The following PRKCE variants were observed in gnomAD, a reference collection of about 807,000 sequenced individuals.
PRKCE encodes protein kinase C epsilon.
A neutral mutation model predicts 85.4 loss-of-function variants in PRKCE; 16 were observed. The ratio of observed to expected loss-of-function variants is 0.19; its 90% CI spans 0.13 to 0.28. The LOEUF is 0.28. Among genes scored for constraint, PRKCE ranks in the 10% least tolerant of loss-of-function variants. The probability of loss-of-function intolerance (pLI) is 1.00; values close to 1 mark genes in which losing one functional copy is unlikely to be tolerated. For missense variants in PRKCE, 573 were observed against 975.2 expected, an observed-to-expected ratio of 0.59 and a Z score of 5.49; for synonymous variants, 388 against 371.5, an observed-to-expected ratio of 1.04 and a Z score of -0.51.
intron 10 of PRKCE, among the ~76,000 whole-genome samples, chr2:46,084,707 C>T (rs540929943): frequency 4.6e-4 from 57 of 122,716 alleles, no homozygotes; most frequent in South Asian, 1.2e-3. Flanking sequence ...AGCAACAGAG[C>T]GAGACTCCAT....
chr2:46,152,024 T>A (rs1267565092), intron 13 of PRKCE, among the ~76,000 whole-genome samples: 3 of 152,232 alleles, frequency 2.0e-5, no homozygotes, highest in African/African-American at 7.2e-5. Flanking sequence ...ACTTCTAGAC[T>A]TGGCTTCTTC....
At chr2:46,049,233 C>T (rs1007747394) in intron 10 of PRKCE, among the ~76,000 whole-genome samples, 1 of 152,110 alleles carries the variant, frequency 6.6e-6, no homozygotes, top group African/African-American at 2.4e-5. Flanking sequence ...TTCCAGGGAC[C>T]TCAGGGTTTC....
intron 1 of PRKCE, among the ~76,000 whole-genome samples, chr2:45,711,363 C>A (rs1032477193): frequency 6.6e-6 from 1 of 152,206 alleles, no homozygotes; most frequent in Non-Finnish European, 1.5e-5. Context: ...GCCAGACTGC[C>A]TGGCTGCAAA....
chr2:46,070,703 G>T (rs6742625), intron 10 of PRKCE, among the ~76,000 whole-genome samples: 63,474 of 151,816 alleles, frequency 0.42, 14,576 homozygotes, highest in African/African-American at 0.6. Flanking sequence ...TTGAATGATG[G>T]TGAGGGTGAC....
chr2:45,822,102 T>A lies in PRKCE; in HGVS notation c.349-20898T>A, dbSNP rs1199857373. On this transcript the variant is annotated intron_variant, in intron 1 of 14. Transcript: ENST00000306156. ...GCACCTGTCCAGGGTACTCTGTTTC[T>A]GAGTCATTTGTGTGTACCTTTTCAG... is the stretch of plus-strand genomic sequence containing the variant. Among the ~76,000 whole-genome samples the A allele has an allele frequency of 2.0e-5, 3 of 152,302 alleles. No individual in the cohort carries two copies. The East Asian group carries it at 5.8e-4, about 29-fold the overall frequency.
At chr2:45,810,946 A>C (rs989800892) in intron 1 of PRKCE, among the ~76,000 whole-genome samples, 9 of 152,240 alleles carry the variant, frequency 5.9e-5, no homozygotes, top group South Asian at 2.1e-4. Context: ...TGTCCATTTC[A>C]AAGTCTTTCA....
intron 2 of PRKCE, among the ~76,000 whole-genome samples, chr2:45,860,390 G>T (rs1473819925): frequency 6.6e-6 from 1 of 152,244 alleles, no homozygotes; most frequent in Non-Finnish European, 1.5e-5. Flanking sequence ...GTCAGAGGAA[G>T]GGAATTGTGC....
At chr2:45,769,546 G>A (rs1685157467) in intron 1 of PRKCE, among the ~76,000 whole-genome samples, 2 of 152,140 alleles carry the variant, frequency 1.3e-5, no homozygotes, top group Non-Finnish European at 1.5e-5. Context: ...GGAAACTGAA[G>A]AACTAACCAT....
At chr2:46,084,993 C>T (rs1011307793) in intron 10 of PRKCE, among the ~76,000 whole-genome samples, 2 of 152,128 alleles carry the variant, frequency 1.3e-5, no homozygotes, top group East Asian at 3.9e-4. Flanking sequence ...TTCATGCATT[C>T]GACTCTTATT....
chr2:46,014,726 A>G (rs947073565), intron 10 of PRKCE, among the ~76,000 whole-genome samples: 1 of 152,330 alleles, frequency 6.6e-6, no homozygotes, highest in South Asian at 2.1e-4. Flanking sequence ...ACTCATGCCA[A>G]TTACTGCCTA....
At chr2:45,694,862 A>G (rs1678015125) in intron 1 of PRKCE, among the ~76,000 whole-genome samples, 1 of 152,204 alleles carries the variant, frequency 6.6e-6, no homozygotes, top group Non-Finnish European at 1.5e-5. Context: ...TTTAAATATC[A>G]GGCTGAGTAG....
intron 2 of PRKCE, among the ~76,000 whole-genome samples, chr2:45,933,723 G>A (rs983154030): frequency 8.6e-5 from 13 of 151,864 alleles, no homozygotes; most frequent in Admixed American, 6.6e-4. Context: ...TGATCCGCCC[G>A]CCTCGGCCTC....
intron 11 of PRKCE, among the ~76,000 whole-genome samples, chr2:46,134,487 G>A (rs1037234704): frequency 2.6e-5 from 4 of 152,216 alleles, no homozygotes; most frequent in African/African-American, 9.6e-5. Context: ...CAAGCAGCAG[G>A]GGAGCATCAT....
intron 2 of PRKCE, among the ~76,000 whole-genome samples, chr2:45,846,183 G>A (rs1156624780): frequency 6.6e-6 from 1 of 152,166 alleles, no homozygotes; most frequent in Non-Finnish European, 1.5e-5. Context: ...GGTAACAGAG[G>A]CATAAACAGC....
At chr2:46,036,069 G>T (rs576858099) in intron 10 of PRKCE, among the ~76,000 whole-genome samples, 106 of 152,320 alleles carry the variant, frequency 7.0e-4, no homozygotes, top group African/African-American at 2.5e-3. Context: ...GAACATGAAA[G>T]AAGTGGAGGA....
chr2:45,748,792 G>A (rs576576952), intron 1 of PRKCE, among the ~76,000 whole-genome samples: 4 of 152,210 alleles, frequency 2.6e-5, no homozygotes, highest in African/African-American at 9.6e-5. Flanking sequence ...ACTAGGTGGC[G>A]AATGCACCTG....
intron 10 of PRKCE, among the ~76,000 whole-genome samples, chr2:46,047,723 C>G (rs1708612427): frequency 6.6e-6 from 1 of 152,166 alleles, no homozygotes; most frequent in Admixed American, 6.5e-5. Context: ...TTACTTAACT[C>G]ATTTATTTTT....
intron 1 of PRKCE, among the ~76,000 whole-genome samples, chr2:45,716,606 GAGAAGA>G (rs879888426): frequency 1.5e-4 from 21 of 143,806 alleles, no homozygotes; most frequent in Non-Finnish European, 2.3e-4. Context: ...GAAGGAGAGG[GAGAAGA>G]AGAAGAAGAA....
At chr2:46,130,516 T>G (rs943595677) in intron 11 of PRKCE, among the ~76,000 whole-genome samples, 6 of 152,256 alleles carry the variant, frequency 3.9e-5, no homozygotes, top group Non-Finnish European at 8.8e-5. Flanking sequence ...GAAGTTTCAA[T>G]TTTTGTCATA....
Sources: gnomAD v4.1 joint callset for allele counts (sites outside exome capture counted in the v4.1 genomes callset) on GRCh38, gnomAD v4.1.1 for gene constraint, MANE v1.5 for transcripts, NCBI Gene and HGNC (gene_info 2026-07-23, HGNC 2026-07-21) for gene names.